Variants in CHRM2 observed in about 807,000 individuals in gnomAD.
CHRM2 encodes muscarinic acetylcholine receptor M2.
CHRM2 carries 8 observed loss-of-function variants against 25.0 expected under a neutral mutation model. The ratio of observed to expected loss-of-function variants is 0.32; its 90% CI spans 0.19 to 0.58. CHRM2 has a LOEUF of 0.58. CHRM2 is among the 20% of genes least tolerant of loss of function. The probability of loss-of-function intolerance (pLI) is 0.88; values close to 1 mark genes in which losing one functional copy is unlikely to be tolerated. For missense variants in CHRM2, 440 were observed against 567.1 expected (o/e 0.78, Z 2.28); for synonymous variants, 202 against 205.7 (o/e 0.98, Z 0.15).
At chr7:136,903,321 G>T in intron 2 of CHRM2, 1 of 520,466 alleles carries the variant, frequency 1.9e-6, no homozygotes, top group Non-Finnish European at 3.9e-6. Context: ...AACTAAATGG[G>T]TGTCTTCTAT....
At chr7:136,972,099 A>G (rs577217576) in intron 2 of CHRM2, among the ~76,000 whole-genome samples, 2 of 151,394 alleles carry the variant, frequency 1.3e-5, no homozygotes, top group African/African-American at 4.8e-5. Flanking sequence ...GGAATAGAAA[A>G]GCAGCTGTTT....
intron 2 of CHRM2, among the ~76,000 whole-genome samples, chr7:136,946,662 CTTCT>C (rs1303709575): frequency 2.0e-5 from 3 of 152,130 alleles, no homozygotes; most frequent in Non-Finnish European, 2.9e-5. Context: ...ATTTTCTGCG[CTTCT>C]TTCTATTTAA....
intron 2 of CHRM2, among the ~76,000 whole-genome samples, chr7:136,891,975 T>C (rs1394980963): frequency 6.6e-6 from 1 of 152,224 alleles, no homozygotes; most frequent in Non-Finnish European, 1.5e-5. Flanking sequence ...CTTCATGTTT[T>C]TGATAACTCA....
intron 3 of CHRM2, among the ~76,000 whole-genome samples, chr7:136,994,500 T>C (rs925935643): frequency 3.3e-5 from 5 of 150,426 alleles, no homozygotes; most frequent in African/African-American, 4.9e-5. Flanking sequence ...TCTATAGTGC[T>C]TTCTGCTCTT....
chr7:136,888,133 G>A (rs570007403), intron 2 of CHRM2, among the ~76,000 whole-genome samples: 2 of 152,310 alleles, frequency 1.3e-5, no homozygotes, highest in East Asian at 3.9e-4. Context: ...CCCTGGCTCT[G>A]CCAGATGTGT....
chr7:136,889,415 C>A (rs1005528379), intron 2 of CHRM2, among the ~76,000 whole-genome samples: 4 of 152,152 alleles, frequency 2.6e-5, no homozygotes, highest in Non-Finnish European at 4.4e-5. Context: ...CCTCTACAAT[C>A]TGGGTGAGGT....
chr7:136,915,857 CATT>C (rs930790132), intron 2 of CHRM2, among the ~76,000 whole-genome samples: 2 of 144,458 alleles, frequency 1.4e-5, no homozygotes, highest in Non-Finnish European at 1.5e-5. Context: ...TGAAAAGAAA[CATT>C]TTTTTTTTTT....
chr7:136,939,700 T>C (rs1374250400), intron 2 of CHRM2, among the ~76,000 whole-genome samples: 4 of 152,182 alleles, frequency 2.6e-5, no homozygotes, highest in Non-Finnish European at 5.9e-5. Flanking sequence ...GACAGAGCTT[T>C]ATGAAAATTA....
rs951514224 is a variant in CHRM2 at position 137,015,210 on chromosome 7, C to T, written c.345C>T (p.Leu115=). The T allele has an allele frequency of 1.2e-6, 2 of 1,613,314 alleles. No individual in the cohort carries two copies. Among genetic ancestry groups the T allele is most frequent in the East Asian group, 2.2e-5 (1 of 44,796 alleles). ...GCAATGCCTCAGTTATGAATCTGCT[C>T]ATCATCAGCTTTGACAGGTACTTCT... ...VVSNASVMNL[L]IISFDRYFCV... Residue 115 remains leucine, a synonymous_variant, in exon 4 of 4, where the codon CTC becomes CTT. Coordinates refer to ENST00000680005, the MANE Select transcript of CHRM2 (RefSeq NM_001006630.2). The surrounding 1 kb of genome is among the most constrained non-coding windows in gnomAD (Gnocchi z 5.1).
chr7:136,943,351 C>T (rs560801740), intron 2 of CHRM2, among the ~76,000 whole-genome samples: 2 of 152,232 alleles, frequency 1.3e-5, no homozygotes, highest in South Asian at 2.1e-4. Context: ...TGCCTTTAAG[C>T]TCTGGTGGAA....
chr7:137,013,059 C>A (rs1348674383), intron 3 of CHRM2, among the ~76,000 whole-genome samples: 1 of 151,890 alleles, frequency 6.6e-6, no homozygotes, highest in African/African-American at 2.4e-5. Context: ...ACTACTACAT[C>A]AATGTTTTAG....
intron 2 of CHRM2, among the ~76,000 whole-genome samples, chr7:136,952,177 C>A (rs747920115): frequency 6.6e-6 from 1 of 152,264 alleles, no homozygotes; most frequent in South Asian, 2.1e-4. Context: ...ATCCACAATA[C>A]CTTTCCAACA....
At chr7:137,014,371 A>G (rs1805029847) in intron 3 of CHRM2, among the ~76,000 whole-genome samples, 1 of 151,996 alleles carries the variant, frequency 6.6e-6, no homozygotes, top group Admixed American at 6.6e-5. Context: ...TCACACATTC[A>G]ATATTATACA....
intron 3 of CHRM2, among the ~76,000 whole-genome samples, chr7:137,013,762 TTC>T (rs1238381233): frequency 6.6e-6 from 1 of 152,054 alleles, no homozygotes; most frequent in Non-Finnish European, 1.5e-5. Flanking sequence ...TAATAATTGC[TTC>T]TTCATCAACC....
intron 2 of CHRM2, among the ~76,000 whole-genome samples, chr7:136,933,686 G>T (rs1448943795): frequency 6.6e-6 from 1 of 152,054 alleles, no homozygotes; most frequent in Non-Finnish European, 1.5e-5. Flanking sequence ...ATTAACTGAT[G>T]AATAGATAAA....
intron 3 of CHRM2, among the ~76,000 whole-genome samples, chr7:136,998,152 A>G (rs1183011381): frequency 6.6e-6 from 1 of 152,176 alleles, no homozygotes; most frequent in Non-Finnish European, 1.5e-5. Flanking sequence ...AGATTGAGAG[A>G]ATTAGTTCAA....
At chr7:136,968,236 A>T (rs1377818710) in intron 2 of CHRM2, among the ~76,000 whole-genome samples, 2 of 151,982 alleles carry the variant, frequency 1.3e-5, no homozygotes, top group Non-Finnish European at 1.5e-5. Context: ...TCCCCATCCC[A>T]CTGCCACAGC....
intron 2 of CHRM2, among the ~76,000 whole-genome samples, chr7:136,953,421 G>A (rs1043910731): frequency 2.0e-5 from 3 of 152,028 alleles, no homozygotes; most frequent in African/African-American, 7.2e-5. Flanking sequence ...TCTGGTCTAT[G>A]TTTTCTATGA....
At chr7:136,910,572 T>C (rs967381415) in intron 2 of CHRM2, among the ~76,000 whole-genome samples, 3 of 151,914 alleles carry the variant, frequency 2.0e-5, no homozygotes, top group Non-Finnish European at 4.4e-5. Context: ...TCCATATTTA[T>C]TAAGGGAGGA....
Sources: allele counts gnomAD v4.1 joint callset (sites outside exome capture counted in the v4.1 genomes callset), GRCh38; gene constraint gnomAD v4.1.1; non-coding constraint Gnocchi (gnomAD v3.1); transcripts MANE v1.5; gene names NCBI Gene and HGNC (gene_info 2026-07-23, HGNC 2026-07-21).